NAALADL2: variants seen among roughly 807,000 people sequenced by gnomAD.
NAALADL2 encodes the protein N-acetylated alpha-linked acidic dipeptidase like 2.
In NAALADL2, 76 loss-of-function variants were observed where a neutral mutation model predicts 87.2. The observed-to-expected ratio is 0.87, with a 90% confidence interval of 0.72 to 1.05. NAALADL2 has a LOEUF of 1.05. Among genes scored for constraint, NAALADL2 ranks in the 50% least tolerant of loss-of-function variants. The pLI, the probability that NAALADL2 is intolerant of heterozygous loss-of-function variation, is 0.00. For missense variants in NAALADL2, 1,089 were observed against 945.8 expected, an observed-to-expected ratio of 1.15 and a Z score of -1.99; for synonymous variants, 354 against 331.0, an observed-to-expected ratio of 1.07 and a Z score of -0.75.
chr3:174,970,621 G>A (rs1743495267), intron 1 of NAALADL2, among the ~76,000 whole-genome samples: 2 of 152,154 alleles, frequency 1.3e-5, no homozygotes, highest in South Asian at 4.1e-4. Flanking sequence ...GAAGCTGTGG[G>A]AAGTTCAGTG....
intron 9 of NAALADL2, among the ~76,000 whole-genome samples, chr3:175,550,414 T>TC (rs1714151056): frequency 6.6e-6 from 1 of 152,032 alleles, no homozygotes; most frequent in African/African-American, 2.4e-5. Context: ...CAAGGAAGAT[T>TC]CCAGACAAAA....
rs1261308748 is a variant in NAALADL2 at position 175,808,801 on chromosome 3, T to TA, written c.*5601dup. ...GTTAATGTCGGTCTTTTGTTCTAAT[T>TA]AAAGTACAAACGTGGCATCTGAATA... On this transcript the variant is annotated 3_prime_UTR_variant, in exon 14 of 14. Coordinates refer to ENST00000454872, the MANE Select transcript of NAALADL2 (RefSeq NM_207015.3). 7 of 152,026 alleles carry TA rather than the reference T, an allele frequency of 4.6e-5. No homozygotes were observed. The allele number at this position is 152,026 out of a possible 1,614,324, so 9.4% of individuals were successfully genotyped here. A position where few individuals can be genotyped will look rare whatever the true frequency, so the allele number is the denominator to read the frequency against.
At chr3:175,007,052 A>C (rs1316861388) in intron 1 of NAALADL2, among the ~76,000 whole-genome samples, 3 of 151,584 alleles carry the variant, frequency 2.0e-5, no homozygotes, top group African/African-American at 7.3e-5. Flanking sequence ...CTAGATTCTA[A>C]AGGTAAGTAA....
At chr3:175,455,067 T>C in intron 6 of NAALADL2, among the ~76,000 whole-genome samples, 1 of 152,058 alleles carries the variant, frequency 6.6e-6, no homozygotes, top group East Asian at 1.9e-4. Flanking sequence ...AGAGCAGTTG[T>C]AGGACCGGGC....
intron 11 of NAALADL2, among the ~76,000 whole-genome samples, chr3:175,702,578 C>A (rs1381450534): frequency 6.6e-6 from 1 of 152,050 alleles, no homozygotes. Context: ...ATAAAGTCAA[C>A]CTTTGCTTCT....
intron 5 of NAALADL2, among the ~76,000 whole-genome samples, chr3:175,353,775 T>G (rs2148884789): frequency 6.6e-6 from 1 of 152,340 alleles, no homozygotes; most frequent in East Asian, 1.9e-4. Context: ...AGCAAATTTT[T>G]CACTCATCAT....
At chr3:175,251,105 T>G (rs923996262) in intron 3 of NAALADL2, among the ~76,000 whole-genome samples, 25 of 152,210 alleles carry the variant, frequency 1.6e-4, no homozygotes, top group African/African-American at 5.8e-4. Flanking sequence ...TTAAAAACCA[T>G]AGAACCACTG....
chr3:175,473,171 T>G (rs1254028023), intron 9 of NAALADL2, among the ~76,000 whole-genome samples: 1 of 152,156 alleles, frequency 6.6e-6, no homozygotes, highest in Non-Finnish European at 1.5e-5. Context: ...TAAAATATCT[T>G]TGCACATCTT....
intron 1 of NAALADL2, among the ~76,000 whole-genome samples, chr3:174,974,290 GAA>G (rs756349217): frequency 6.6e-5 from 10 of 152,172 alleles, no homozygotes; most frequent in Non-Finnish European, 1.5e-4. Flanking sequence ...GTGCTGTAAG[GAA>G]AACTCTATGA....
chr3:175,118,218 C>G (rs1021055457), intron 2 of NAALADL2, among the ~76,000 whole-genome samples: 2 of 151,720 alleles, frequency 1.3e-5, no homozygotes, highest in Non-Finnish European at 2.9e-5. Flanking sequence ...TGTAACAAAC[C>G]TGCACGTTGT....
chr3:174,657,775 C>G (rs1725119507), intron 2 of NAALADL2, among the ~76,000 whole-genome samples: 1 of 152,060 alleles, frequency 6.6e-6, no homozygotes. Flanking sequence ...CCTCTATGTT[C>G]TTGCCTATTC....
chr3:174,760,301 C>T lies in NAALADL2; in HGVS notation c.-9+22555C>T, dbSNP rs115375229. ...CTTGTTTGCAAAGAAACCTTCCCAC[C>T]GAGGAGGAGTGATAGTAATTTTTCA... On this transcript the variant is annotated intron_variant, in intron 3 of 3. Coordinates refer to the NAALADL2 transcript ENST00000434257. Among the ~76,000 whole-genome samples the T allele has an allele frequency of 8.5e-3, 1,290 of 152,188 alleles. 3 individuals carry two copies. The highest frequency in any genetic ancestry group is 0.018 in the African/African-American group (761 of 41,526).
Position 175,234,048 on chromosome 3 carries a change from T to C in NAALADL2, c.663T>C (p.Leu221=). 1 of 1,613,970 alleles carries C rather than the reference T, an allele frequency of 6.2e-7. No individual in the cohort carries two copies. The highest frequency in any genetic ancestry group is 1.3e-5 in the African/African-American group (1 of 75,046). ...AGTTTGTAAATTACTCTGTGCTGCT[T>C]GATCTGCCAGGCCCTTCTCCCAGCA... ...DVQFVNYSVL[L]DLPGPSPSTV... The change falls in exon 3 of 14, where the codon CTT becomes CTC. Residue 221 remains leucine (L), a synonymous_variant. Transcript: ENST00000454872.
At chr3:174,800,105 G>T (rs1718639576) in intron 3 of NAALADL2, among the ~76,000 whole-genome samples, 2 of 152,178 alleles carry the variant, frequency 1.3e-5, no homozygotes, top group Admixed American at 6.5e-5. Flanking sequence ...TGGAAAGTTT[G>T]CAGCCTGACA....
At chr3:175,763,445 G>A (rs114408796) in intron 13 of NAALADL2, among the ~76,000 whole-genome samples, 2,430 of 152,166 alleles carry the variant, frequency 0.016, 62 homozygotes, top group African/African-American at 0.055. Flanking sequence ...GAGTCCTTGA[G>A]GCTACTGTTG....
chr3:175,423,147 G>C (rs1208311824), intron 5 of NAALADL2, among the ~76,000 whole-genome samples: 1 of 107,044 alleles, frequency 9.3e-6, no homozygotes, highest in East Asian at 2.7e-4. Context: ...AGAATTCTAA[G>C]GTAAATGTTC....
chr3:175,084,518 CA>C (rs772812151), intron 1 of NAALADL2, among the ~76,000 whole-genome samples: 24 of 152,162 alleles, frequency 1.6e-4, no homozygotes, highest in Non-Finnish European at 3.1e-4. Context: ...GTAAGTTATT[CA>C]TGCCTTAATT....
chr3:174,854,636 T>A (rs1342423515), upstream of NAALADL2, among the ~76,000 whole-genome samples: 1 of 151,992 alleles, frequency 6.6e-6, no homozygotes, highest in Non-Finnish European at 1.5e-5. Context: ...AAATATCACT[T>A]TTACCACATA....
intron 1 of NAALADL2, among the ~76,000 whole-genome samples, chr3:174,948,600 CATTTT>C (rs1351714907): frequency 6.6e-6 from 1 of 152,172 alleles, no homozygotes; most frequent in African/African-American, 2.4e-5. Context: ...ACAACACAGT[CATTTT>C]ATTATCTTTC....
Sources: gnomAD v4.1 joint callset for allele counts (sites outside exome capture counted in the v4.1 genomes callset) on GRCh38, gnomAD v4.1.1 for gene constraint, MANE v1.5 for transcripts, NCBI Gene and HGNC (gene_info 2026-07-23, HGNC 2026-07-21) for gene names.